Variants in EPM2A observed in about 807,000 individuals in gnomAD.
EPM2A encodes laforin.
A neutral mutation model predicts 26.5 loss-of-function variants in EPM2A; 21 were observed. That is an observed-to-expected ratio of 0.79 (90% CI 0.56 to 1.14). The LOEUF (loss-of-function observed/expected upper bound fraction) is 1.14. Ranked by LOEUF, EPM2A falls within the 50% of genes most tolerant of loss-of-function variation. The pLI is 0.00. For missense variants in EPM2A, 458 were observed against 440.8 expected (o/e 1.04, Z -0.35); for synonymous variants, 217 against 177.6 (o/e 1.22, Z -1.76).
chr6:145,624,424 C>T (rs1395497537), downstream of EPM2A, among the ~76,000 whole-genome samples: 2 of 152,188 alleles, frequency 1.3e-5, no homozygotes, highest in Non-Finnish European at 2.9e-5. Context: ...AATCCTTGCA[C>T]CACTTCTTAC....
At chr6:145,581,018 CT>C (rs1447590896) in intron 2 of EPM2A, among the ~76,000 whole-genome samples, 1 of 152,004 alleles carries the variant, frequency 6.6e-6, no homozygotes, top group Non-Finnish European at 1.5e-5. Flanking sequence ...ATTTATATTC[CT>C]TTGGGTATAT....
At position 145,559,692 on chromosome 6, in the gene EPM2A, TA is replaced by T. The variant is rs78930584; in HGVS notation, c.341-57118del. 1.6e-3 allele frequency among the ~76,000 whole-genome samples: 228 copies of T among 143,028 alleles called. 1 individual carries two copies. The highest frequency in any genetic ancestry group is 4.8e-3 in the African/African-American group (181 of 37,576). 93.8% of individuals were successfully genotyped at this position (143,028 alleles called of 152,430 possible). The stretch of plus-strand genomic sequence containing the variant: ...TTCTCCTTTTTTTTTTTTTTTTTTT[TA>T]AAATGGTGCTATTAACACGTAAACA... On this transcript the variant is annotated intron_variant, in intron 2 of 3. Transcript: ENST00000450221.
intron 4 of EPM2A, among the ~76,000 whole-genome samples, chr6:145,402,548 C>T (rs1301238046): frequency 6.6e-6 from 1 of 152,068 alleles, no homozygotes; most frequent in Admixed American, 6.6e-5. Context: ...TATTAATTTC[C>T]TGATTTTGGT....
At chr6:145,672,273 T>G (rs1380183603) in intron 2 of EPM2A, among the ~76,000 whole-genome samples, 1 of 152,212 alleles carries the variant, frequency 6.6e-6, no homozygotes, top group South Asian at 2.1e-4. Flanking sequence ...ATCTAGAATC[T>G]TTCACCAAAT....
intron 2 of EPM2A, among the ~76,000 whole-genome samples, chr6:145,581,811 T>C (rs992774158): frequency 2.0e-5 from 3 of 152,208 alleles, no homozygotes; most frequent in African/African-American, 7.2e-5. Context: ...ATGTGCAGGC[T>C]TTTTCCTGGG....
chr6:145,705,533 C>T (rs1011735984), intron 1 of EPM2A: 29 of 455,878 alleles, frequency 6.4e-5, no homozygotes, highest in South Asian at 1.7e-4. Flanking sequence ...CCAGCCTGGG[C>T]GACAGACTGA....
chr6:145,478,930 T>C (rs1779578517), intron 4 of EPM2A, among the ~76,000 whole-genome samples: 1 of 151,796 alleles, frequency 6.6e-6, no homozygotes, highest in African/African-American at 2.4e-5. Context: ...TTGTATGTTA[T>C]ACTATGTGCT....
At chr6:145,392,411 G>C (rs1372697342) in intron 4 of EPM2A, among the ~76,000 whole-genome samples, 2 of 152,158 alleles carry the variant, frequency 1.3e-5, no homozygotes, top group African/African-American at 2.4e-5. Context: ...GGAAGATGCT[G>C]TGTCTCCCCA....
intron 2 of EPM2A, among the ~76,000 whole-genome samples, chr6:145,517,329 C>A (rs923739887): frequency 6.6e-6 from 1 of 152,128 alleles, no homozygotes; most frequent in Non-Finnish European, 1.5e-5. Flanking sequence ...GAGGGTAGAT[C>A]TCATTATGTG....
chr6:145,557,569 A>C (rs1421623445), intron 2 of EPM2A, among the ~76,000 whole-genome samples: 1 of 152,060 alleles, frequency 6.6e-6, no homozygotes, highest in Non-Finnish European at 1.5e-5. Context: ...TAGCCTACAA[A>C]ATTAACAAAT....
At chr6:145,512,686 G>A (rs368016253) in intron 2 of EPM2A, among the ~76,000 whole-genome samples, 5 of 131,672 alleles carry the variant, frequency 3.8e-5, no homozygotes, top group Non-Finnish European at 7.6e-5. Flanking sequence ...ACTCCAGCCC[G>A]GGCAACAGAG....
intron 1 of EPM2A, chr6:145,734,987 A>G (rs2128648810): frequency 2.8e-6 from 1 of 351,604 alleles, no homozygotes; most frequent in East Asian, 4.8e-5. Context: ...CTAGGGAATC[A>G]GTAGGAAGCC....
At chr6:145,552,623 G>A (rs1409545387) in intron 2 of EPM2A, among the ~76,000 whole-genome samples, 2 of 152,080 alleles carry the variant, frequency 1.3e-5, no homozygotes, top group African/African-American at 2.4e-5. Context: ...GATTTGACAT[G>A]TAAAAAGGAA....
intron 1 of EPM2A, among the ~76,000 whole-genome samples, chr6:145,724,333 A>G (rs761529368): frequency 1.3e-5 from 2 of 152,140 alleles, no homozygotes; most frequent in African/African-American, 2.4e-5. Context: ...AACTAAATAT[A>G]CTATTTAAAA....
intron 4 of EPM2A, among the ~76,000 whole-genome samples, chr6:145,450,388 G>C (rs1179421256): frequency 1.3e-5 from 2 of 150,000 alleles, no homozygotes; most frequent in Non-Finnish European, 3.0e-5. Flanking sequence ...TGAAACCATT[G>C]GTGGGGGTAT....
chr6:145,442,064 G>A (rs1779070982), intron 4 of EPM2A, among the ~76,000 whole-genome samples: 1 of 152,120 alleles, frequency 6.6e-6, no homozygotes, highest in East Asian at 1.9e-4. Flanking sequence ...AGTCATCTTT[G>A]CTCTCGTTCC....
chr6:145,469,829 C>T (rs375832711), intron 4 of EPM2A, among the ~76,000 whole-genome samples: 30 of 152,202 alleles, frequency 2.0e-4, no homozygotes, highest in African/African-American at 6.7e-4. Flanking sequence ...CAATGCAGTA[C>T]TATTCAGCCA....
At chr6:145,509,668 T>G (rs1032122639) in intron 2 of EPM2A, among the ~76,000 whole-genome samples, 1 of 152,128 alleles carries the variant, frequency 6.6e-6, no homozygotes, top group Non-Finnish European at 1.5e-5. Flanking sequence ...ATAAAGCAAC[T>G]ACATAATCAA....
intron 3 of EPM2A, among the ~76,000 whole-genome samples, chr6:145,632,699 G>A (rs1249662818): frequency 1.3e-5 from 2 of 152,162 alleles, no homozygotes; most frequent in African/African-American, 4.8e-5. Context: ...GCATTATGCT[G>A]CAGCTCAAAA....
Sources: allele counts gnomAD v4.1 joint callset (sites outside exome capture counted in the v4.1 genomes callset), GRCh38; gene constraint gnomAD v4.1.1; transcripts MANE v1.5; gene names NCBI Gene and HGNC (gene_info 2026-07-23, HGNC 2026-07-21).